The following TNIP1 variants were observed in gnomAD, a reference collection of about 807,000 sequenced individuals.
TNIP1 encodes TNFAIP3-interacting protein 1.
Under a neutral mutation model 86.6 loss-of-function variants are expected in TNIP1, and 22 were observed. The observed-to-expected ratio is 0.25, with a 90% CI of 0.18 to 0.36. TNIP1 has a LOEUF of 0.36. Ranked by LOEUF, TNIP1 falls within the 10% of genes least tolerant of loss-of-function variation. TNIP1 has a pLI of 1.00. For missense variants in TNIP1, 709 were observed against 820.6 expected (o/e 0.86, Z 1.66); for synonymous variants, 294 against 313.0 (o/e 0.94, Z 0.64).
intron 8 of TNIP1, chr5:151,046,179 T>C: frequency 1.8e-6 from 1 of 546,322 alleles, no homozygotes; most frequent in Non-Finnish European, 3.3e-6. Context: ...CCAGGCCCTC[T>C]CCCCTTCCCT....
upstream of TNIP1, among the ~76,000 whole-genome samples, chr5:151,084,293 A>C (rs1459426364): frequency 1.3e-5 from 2 of 152,070 alleles, no homozygotes; most frequent in Non-Finnish European, 1.5e-5. Flanking sequence ...AAAAATACAA[A>C]TATTAGCCAG....
chr5:151,065,050 C>T lies in TNIP1; in HGVS notation c.46G>A (p.Val16Met), dbSNP rs76191063. Residue 16 changes from valine to methionine, a missense_variant, in exon 2 of 18, where the codon GTG becomes ATG. Physicochemically the swap from Val to Met is conservative, Grantham distance 21 (BLOSUM62 1). Coordinates refer to ENST00000521591, the MANE Select transcript of TNIP1 (RefSeq NM_006058.5). ...PYRIYDPGGS[V>M]PSGEASAAFE... Reference sequence around the variant, plus strand: ...GCTGCGGATGCCTCTCCTGAGGGCACGCTGCCCCCAGGGTCGTAGATCCGG... The same window carrying T: ...GCTGCGGATGCCTCTCCTGAGGGCATGCTGCCCCCAGGGTCGTAGATCCGG... The T allele has an allele frequency of 6.8e-4, 1,100 of 1,614,156 alleles. 8 individuals carry two copies. The African/African-American group carries it at 0.013, about 19-fold the overall frequency.
chr5:151,075,543 A>G (rs1763291683), intron 1 of TNIP1, among the ~76,000 whole-genome samples: 1 of 152,154 alleles, frequency 6.6e-6, no homozygotes, highest in African/African-American at 2.4e-5. Flanking sequence ...CTTTATGTCC[A>G]TGAGGACCTG....
chr5:151,040,969 G>A (rs1581754576), intron 11 of TNIP1, among the ~76,000 whole-genome samples: 1 of 152,220 alleles, frequency 6.6e-6, no homozygotes, highest in East Asian at 1.9e-4. Flanking sequence ...CATATGACTG[G>A]GCAGATACTA....
At chr5:151,074,199 A>G (rs1489225726) in intron 1 of TNIP1, among the ~76,000 whole-genome samples, 2 of 152,146 alleles carry the variant, frequency 1.3e-5, no homozygotes, top group Non-Finnish European at 2.9e-5. Flanking sequence ...TTCCCCAATA[A>G]TCATGTGCTA....
intron 13 of TNIP1, among the ~76,000 whole-genome samples, chr5:151,036,003 CCA>C (rs1305484095): frequency 1.3e-5 from 2 of 152,188 alleles, no homozygotes; most frequent in Non-Finnish European, 2.9e-5. Flanking sequence ...CCGCTGAGAC[CCA>C]CAGGGGCAGT....
intron 8 of TNIP1, among the ~76,000 whole-genome samples, chr5:151,049,254 C>G (rs1759580597): frequency 6.6e-6 from 1 of 152,174 alleles, no homozygotes; most frequent in Non-Finnish European, 1.5e-5. Context: ...GGTGCAGAGT[C>G]TGCTCCTGCT....
intron 1 of TNIP1, among the ~76,000 whole-genome samples, chr5:151,080,556 G>C (rs992851659): frequency 2.1e-4 from 32 of 152,324 alleles, no homozygotes; most frequent in Admixed American, 1.4e-3. Context: ...TAGGCAACTC[G>C]TCTCCACAGG....
In TNIP1 at chr5:151,063,108, G is replaced by A. The variant is rs564513525; in HGVS notation, c.271+505C>T. ...CCCTGTCCTTTAATGGGCAGCACAC[G>A]TAACCTTACATCTGAAATACGCTGC... On this transcript the variant is annotated intron_variant, in intron 3 of 17. Transcript: ENST00000521591. Among the ~76,000 whole-genome samples, 24 of 152,210 alleles carry A rather than the reference G, an allele frequency of 1.6e-4. 2 individuals are homozygous for A. The highest frequency in any genetic ancestry group is 8.5e-4 in the Admixed American group (13 of 15,282).
intron 16 of TNIP1, 113 bp from the exon 17 acceptor site, chr5:151,032,496 T>C: frequency 1.8e-6 from 2 of 1,106,688 alleles, no homozygotes; most frequent in Non-Finnish European, 2.6e-6. Flanking sequence ...TGAATCTTTA[T>C]AACAACCCAG....
At chr5:151,063,448 G>A (rs551146162) in intron 3 of TNIP1, among the ~76,000 whole-genome samples, 165 bp downstream of exon 3, 1 of 152,312 alleles carries the variant, frequency 6.6e-6, no homozygotes, top group East Asian at 1.9e-4. Flanking sequence ...TTCCAAATCT[G>A]ACCTTCTGGG....
intron 9 of TNIP1, 90 bp downstream of exon 9, chr5:151,045,771 G>T: frequency 7.4e-7 from 1 of 1,351,698 alleles, no homozygotes; most frequent in South Asian, 1.2e-5. Flanking sequence ...CCTGGGACCT[G>T]CCAGAGCCAG....
rs536242560 is a variant in TNIP1, at chr5:151,062,514, G to A, written c.272-302C>T. On this transcript the variant is annotated intron_variant, in intron 3 of 17. Transcript: ENST00000521591. ...TGATAAAGACAATGATTTACAATTT[G>A]AAAAGTCTTTATGTATCTATTATCC... is the stretch of plus-strand genomic sequence containing the variant. Among the ~76,000 whole-genome samples, 9 of 152,266 alleles carry A rather than the reference G, an allele frequency of 5.9e-5. No individual in the cohort carries two copies. The South Asian group carries it at 1.4e-3, about 25-fold the overall frequency.
intron 1 of TNIP1, among the ~76,000 whole-genome samples, chr5:151,077,000 T>TA (rs1160557109): frequency 1.3e-5 from 2 of 152,230 alleles, no homozygotes; most frequent in African/African-American, 4.8e-5. Context: ...GCAAGTGTCT[T>TA]AGTCTGCTTT....
intron 4 of TNIP1, 106 bp from the exon 5 acceptor site, chr5:151,060,501 T>C (rs1168019201): frequency 1.1e-6 from 1 of 947,286 alleles, no homozygotes. Context: ...CTTCCCATTT[T>C]GAGTACACAG....
intron 12 of TNIP1, 67 bp from the exon 13 acceptor site, chr5:151,036,988 A>T: frequency 6.6e-7 from 1 of 1,511,158 alleles, no homozygotes; most frequent in South Asian, 1.3e-5. Flanking sequence ...TGGAGGGGTC[A>T]TCCTCAGGGA....
chr5:151,073,211 G>A (rs1234847193), intron 1 of TNIP1, among the ~76,000 whole-genome samples: 1 of 141,780 alleles, frequency 7.1e-6, no homozygotes, highest in Non-Finnish European at 1.5e-5. Flanking sequence ...GACAGAGTGG[G>A]ACTCCATCTC....
chr5:151,049,951 G>A lies in TNIP1; in HGVS notation c.723-4C>T, dbSNP rs780838663. ...CTTGAGCTCCAAATTTTCCTCCCTG[G>A]GATGGAGGTAAACAGAGAAATCACA... On this transcript the variant is annotated splice_region_variant and splice_polypyrimidine_tract_variant and intron_variant, in intron 7 of 17. Coordinates refer to ENST00000521591, the MANE Select transcript of TNIP1 (RefSeq NM_006058.5). 2 of 1,613,906 alleles carry A rather than the reference G, an allele frequency of 1.2e-6. No individual in the cohort carries two copies. Among genetic ancestry groups the A allele is most frequent in the South Asian group, 2.2e-5 (2 of 91,068 alleles).
upstream of TNIP1, among the ~76,000 whole-genome samples, chr5:151,083,296 C>A (rs1477050975): frequency 6.6e-6 from 1 of 152,344 alleles, no homozygotes; most frequent in Non-Finnish European, 1.5e-5. Flanking sequence ...GCCCAAGGCT[C>A]AGCACACAGT....
Sources: gnomAD v4.1 joint callset for allele counts (sites outside exome capture counted in the v4.1 genomes callset) on GRCh38, gnomAD v4.1.1 for gene constraint, MANE v1.5 for transcripts, NCBI Gene and HGNC (gene_info 2026-07-23, HGNC 2026-07-21) for gene names.